Variants in TMEM132B observed in about 807,000 individuals in gnomAD.
The protein encoded by TMEM132B is transmembrane protein 132B.
A neutral mutation model predicts 90.8 loss-of-function variants in TMEM132B; 18 were observed. The ratio of observed to expected loss-of-function variants is 0.20; its 90% CI spans 0.14 to 0.29. The LOEUF is 0.29. TMEM132B is among the 10% of genes least tolerant of loss of function. The probability of loss-of-function intolerance (pLI) is 1.00; values close to 1 mark genes in which losing one functional copy is unlikely to be tolerated. For missense variants in TMEM132B, 1,096 were observed against 1,326.8 expected, an observed-to-expected ratio of 0.83 and a Z score of 2.70; for synonymous variants, 504 against 523.3, an observed-to-expected ratio of 0.96 and a Z score of 0.50.
At chr12:125,428,349 CT>C (rs1224842582) in intron 3 of TMEM132B, among the ~76,000 whole-genome samples, 3 of 152,072 alleles carry the variant, frequency 2.0e-5, no homozygotes, top group African/African-American at 7.2e-5. Context: ...ACCCGGGCCT[CT>C]CCATGAAATC....
chr12:125,205,504 G>A (rs577671290), intron 1 of TMEM132B, among the ~76,000 whole-genome samples: 3 of 152,282 alleles, frequency 2.0e-5, no homozygotes, highest in Admixed American at 6.5e-5. Flanking sequence ...AGGGTACCAC[G>A]TGCCAGGCAG....
intron 2 of TMEM132B, among the ~76,000 whole-genome samples, chr12:125,372,471 T>C (rs1239800494): frequency 6.6e-6 from 1 of 152,232 alleles, no homozygotes; most frequent in Non-Finnish European, 1.5e-5. Flanking sequence ...CAAAACCTCT[T>C]CCAGTTCTTA....
chr12:125,296,787 G>A (rs1282668317), intron 1 of TMEM132B, among the ~76,000 whole-genome samples: 2 of 152,182 alleles, frequency 1.3e-5, no homozygotes, highest in Non-Finnish European at 2.9e-5. Context: ...AAGAATCACC[G>A]AACTGGGACC....
chr12:125,354,583 A>G (rs1210758234), intron 2 of TMEM132B, among the ~76,000 whole-genome samples: 1 of 152,236 alleles, frequency 6.6e-6, no homozygotes, highest in Non-Finnish European at 1.5e-5. Context: ...AAAGGATGCA[A>G]TGCTAAAAAG....
intron 3 of TMEM132B, among the ~76,000 whole-genome samples, chr12:125,439,017 A>G (rs79384474): frequency 0.012 from 1,849 of 152,310 alleles, 43 homozygotes; most frequent in African/African-American, 0.042. Context: ...CTTAGTGCCT[A>G]TTCTTACACA....
intron 5 of TMEM132B, among the ~76,000 whole-genome samples, chr12:125,636,619 T>C (rs996085680): frequency 1.3e-5 from 2 of 152,196 alleles, no homozygotes; most frequent in Admixed American, 1.3e-4. Flanking sequence ...TCCCTCCGGG[T>C]AGAGCTTTCT....
chr12:125,238,550 G>C (rs143889711), intron 1 of TMEM132B, among the ~76,000 whole-genome samples: 4 of 152,256 alleles, frequency 2.6e-5, no homozygotes, highest in Non-Finnish European at 5.9e-5. Context: ...GTTTATTGCA[G>C]TGCATTCAGA....
intron 1 of TMEM132B, among the ~76,000 whole-genome samples, chr12:125,217,729 C>T (rs889659424): frequency 6.6e-6 from 1 of 152,236 alleles, no homozygotes; most frequent in Non-Finnish European, 1.5e-5. Context: ...GCTGGAATTA[C>T]AGGTGTGAGC....
chr12:125,490,037 C>G lies in TMEM132B; in HGVS notation c.1107-29402C>G, dbSNP rs1882307202. Among the ~76,000 whole-genome samples the G allele has an allele frequency of 6.6e-6, 1 of 152,166 alleles. No homozygotes were observed. Among genetic ancestry groups the G allele is most frequent in the Non-Finnish European group, 1.5e-5 (1 of 68,026 alleles). On this transcript the variant is annotated intron_variant, in intron 3 of 8. Coordinates refer to ENST00000682704, the MANE Select transcript of TMEM132B (RefSeq NM_001366854.1). This position sits in a 1 kb window ranked among gnomAD's most constrained non-coding sequence, Gnocchi z 4.2. The stretch of plus-strand genomic sequence containing the variant: ...TTAAAAATAATTATCTATTGTTTAG[C>G]TACATAAATTCCACGTATGATGTTT...
intron 1 of TMEM132B, among the ~76,000 whole-genome samples, chr12:125,310,748 G>A (rs971127711): frequency 3.3e-5 from 5 of 151,972 alleles, no homozygotes; most frequent in African/African-American, 1.2e-4. Context: ...ACACCCCCAC[G>A]GTAGTTCTGG....
chr12:125,651,391 T>C (rs573436723), intron 7 of TMEM132B, among the ~76,000 whole-genome samples: 2 of 152,340 alleles, frequency 1.3e-5, no homozygotes, highest in African/African-American at 4.8e-5. Flanking sequence ...TTTTTAAAAA[T>C]ATAATAATCC....
intron 3 of TMEM132B, among the ~76,000 whole-genome samples, chr12:125,425,102 G>T (rs540647471): frequency 1.3e-5 from 2 of 152,244 alleles, no homozygotes; most frequent in African/African-American, 4.8e-5. Flanking sequence ...ACCAAGTCAG[G>T]GCTCAGAGGT....
chr12:125,474,872 A>G (rs1348245691), intron 3 of TMEM132B, among the ~76,000 whole-genome samples: 1 of 152,230 alleles, frequency 6.6e-6, no homozygotes, highest in African/African-American at 2.4e-5. Context: ...GGCTGCCATC[A>G]GCTCCAGGCT....
chr12:125,584,083 C>T lies in TMEM132B; in HGVS notation c.1437+89C>T, dbSNP rs778984383. On this transcript the variant is annotated intron_variant, in intron 5 of 8. Transcript: ENST00000682704. The stretch of plus-strand genomic sequence containing the variant: ...TCTCCAAGGTCTTGTTCTCACTGAG[C>T]ATCCCATGCTCTAAAGGGCTGGAGG... 1.9e-6 allele frequency: 3 copies of T among 1,586,050 alleles called. No individual in the cohort carries two copies. In the African/African-American group the frequency reaches 4.0e-5, roughly 21 times the overall value.
At chr12:125,572,454 G>A (rs1358799321) in intron 4 of TMEM132B, among the ~76,000 whole-genome samples, 1 of 152,216 alleles carries the variant, frequency 6.6e-6, no homozygotes, top group African/African-American at 2.4e-5. Flanking sequence ...TGGAAGCAGA[G>A]GGCAGCCCTC....
chr12:125,539,187 C>G (rs1440191410), intron 4 of TMEM132B, among the ~76,000 whole-genome samples: 2 of 152,228 alleles, frequency 1.3e-5, no homozygotes, highest in African/African-American at 4.8e-5. Context: ...CACACACATT[C>G]TTAAGTGGCC....
chr12:125,624,379 T>C (rs1886179850), intron 5 of TMEM132B, among the ~76,000 whole-genome samples: 1 of 152,128 alleles, frequency 6.6e-6, no homozygotes, highest in Non-Finnish European at 1.5e-5. Flanking sequence ...GCACCATTCT[T>C]GCATGTCTAC....
At chr12:125,312,262 T>C (rs768687084) in intron 1 of TMEM132B, among the ~76,000 whole-genome samples, 8 of 152,362 alleles carry the variant, frequency 5.3e-5, no homozygotes, top group Middle Eastern at 3.4e-3. Context: ...GTTGTTTGGA[T>C]GCTCTAAATC....
intron 2 of TMEM132B, among the ~76,000 whole-genome samples, chr12:125,371,456 G>GT (rs1221797918): frequency 6.6e-6 from 1 of 152,184 alleles, no homozygotes; most frequent in Admixed American, 6.5e-5. Flanking sequence ...GCTTGTGCAT[G>GT]TTTAAGTTAT....
Sources: gnomAD v4.1 joint callset for allele counts (sites outside exome capture counted in the v4.1 genomes callset) on GRCh38, gnomAD v4.1.1 for gene constraint, Gnocchi (gnomAD v3.1) non-coding constraint, MANE v1.5 for transcripts, NCBI Gene and HGNC (gene_info 2026-07-23, HGNC 2026-07-21) for gene names.